Variants in POMZP3 observed in about 807,000 individuals in gnomAD.
POMZP3 encodes POM121 and ZP3 fusion.
Under a neutral mutation model 19.8 loss-of-function variants are expected in POMZP3, and 10 were observed. That is an observed-to-expected ratio of 0.51 (90% CI 0.31 to 0.86). POMZP3 has a LOEUF of 0.86. Ranked by LOEUF, POMZP3 falls within the 40% of genes least tolerant of loss-of-function variation. The probability of loss-of-function intolerance (pLI) is 0.04; values close to 1 mark genes in which losing one functional copy is unlikely to be tolerated. For synonymous variants in POMZP3, 57 were observed against 85.8 expected (o/e 0.66, Z 1.85); for missense variants, 152 against 228.1 (o/e 0.67, Z 2.15).
chr7:76,625,448 T>C, intron 3 of POMZP3, 74 bp downstream of exon 3: 1 of 1,599,886 alleles, frequency 6.3e-7, no homozygotes, highest in Admixed American at 1.7e-5. Context: ...TCTGTATCTT[T>C]ACGGGAATGT....
chr7:76,620,290 T>G (rs1181480827), intron 3 of POMZP3, among the ~76,000 whole-genome samples: 2 of 76,636 alleles, frequency 2.6e-5, no homozygotes, highest in Admixed American at 1.3e-4. Flanking sequence ...ATTGCACCAC[T>G]GCACTCCAGC....
At chr7:76,622,016 C>G (rs1183791462) in intron 3 of POMZP3, among the ~76,000 whole-genome samples, 3 of 139,388 alleles carry the variant, frequency 2.2e-5, no homozygotes, top group Non-Finnish European at 4.7e-5. Context: ...CCACCAAGAC[C>G]AAGATGGCGA....
chr7:76,616,323 G>A (rs796835739), intron 4 of POMZP3, among the ~76,000 whole-genome samples: 2 of 112,374 alleles, frequency 1.8e-5, no homozygotes, highest in African/African-American at 7.2e-5. Context: ...CCTAGATGGT[G>A]TGCACACTGA....
At chr7:76,618,438 A>G (rs747667363) in intron 3 of POMZP3, 138 bp from the exon 4 acceptor site, 13 of 935,206 alleles carry the variant, frequency 1.4e-5, no homozygotes, top group Non-Finnish European at 2.2e-5. Context: ...CCTGGCAAAC[A>G]TGGTGAAACC....
intron 3 of POMZP3, 82 bp downstream of exon 3, chr7:76,625,440 T>C: frequency 1.9e-6 from 3 of 1,597,592 alleles, no homozygotes; most frequent in Admixed American, 1.7e-5. Flanking sequence ...AGGTGGCCTC[T>C]GTATCTTTAC....
chr7:76,610,962 C>T (rs1287086858), intron 6 of POMZP3, among the ~76,000 whole-genome samples: 4 of 142,534 alleles, frequency 2.8e-5, no homozygotes, highest in East Asian at 4.2e-4. Flanking sequence ...GCAACCTCTG[C>T]CTCCCAGATT....
intron 4 of POMZP3, among the ~76,000 whole-genome samples, chr7:76,616,843 G>A (rs1424149001): frequency 3.3e-5 from 3 of 90,262 alleles, no homozygotes; most frequent in Non-Finnish European, 2.4e-5. Flanking sequence ...ACTGCAGAGC[G>A]AGACTCCAAC....
chr7:76,625,476 G>A (rs1563806504), intron 3 of POMZP3, 46 bp downstream of exon 3: 1 of 1,596,156 alleles, frequency 6.3e-7, no homozygotes. Context: ...TCATCCCATA[G>A]GAGTCCAAGC....
intron 3 of POMZP3, among the ~76,000 whole-genome samples, chr7:76,624,787 C>G (rs1446207687): frequency 2.0e-5 from 3 of 151,650 alleles, no homozygotes; most frequent in Non-Finnish European, 2.9e-5. Context: ...AACTACCAAA[C>G]TCTAGTTTTC....
intron 3 of POMZP3, among the ~76,000 whole-genome samples, chr7:76,618,967 T>C (rs2690679): frequency 3.3e-5 from 5 of 152,094 alleles, no homozygotes; most frequent in East Asian, 1.9e-4. Context: ...TTTGTATTTT[T>C]TGTCAAGATA....
In POMZP3 at chr7:76,626,207, C is replaced by T. The variant is rs1815885798; in HGVS notation, c.-143G>A. 27 of 1,556,562 alleles carry T rather than the reference C, an allele frequency of 1.7e-5. No homozygotes were observed. The highest frequency in any genetic ancestry group is 2.4e-5 in the Non-Finnish European group (27 of 1,148,840). On this transcript the variant is annotated 5_prime_UTR_variant, in exon 2 of 7. Coordinates refer to ENST00000310842, the MANE Select transcript of POMZP3 (RefSeq NM_012230.5). ...TATTACAAACCGATCTGGTAAAGTC[C>T]CACGATCCCTGCAGAGAATGCGAGA...
intron 4 of POMZP3, among the ~76,000 whole-genome samples, chr7:76,613,525 T>TTTTTTTTTTTC (rs1212727131): frequency 2.7e-5 from 2 of 73,400 alleles, no homozygotes; most frequent in African/African-American, 1.4e-4. Flanking sequence ...TTTTTTTTTT[T>TTTTTTTTTTTC]CTGAGACGGA....
intron 3 of POMZP3, among the ~76,000 whole-genome samples, chr7:76,622,600 A>G (rs533251035): frequency 6.6e-6 from 1 of 151,650 alleles, no homozygotes; most frequent in African/African-American, 2.4e-5. Context: ...TCCTGACCTC[A>G]TGATCCACCC....
At chr7:76,620,018 CT>C (rs1815465408) in intron 3 of POMZP3, among the ~76,000 whole-genome samples, 1 of 78,400 alleles carries the variant, frequency 1.3e-5, no homozygotes, top group Non-Finnish European at 2.5e-5. Flanking sequence ...TATCTTGTCT[CT>C]TAAAAAAAAA....
intron 3 of POMZP3, among the ~76,000 whole-genome samples, chr7:76,624,266 C>T (rs1799234): frequency 0.54 from 75,636 of 139,056 alleles, 20,774 homozygotes; most frequent in Middle Eastern, 0.71. Flanking sequence ...ATAAGATTTT[C>T]GGCCAGGCGT....
intron 2 of POMZP3, 100 bp downstream of exon 2, chr7:76,625,900 C>T (rs968069493): frequency 6.5e-7 from 1 of 1,543,160 alleles, no homozygotes; most frequent in Non-Finnish European, 8.8e-7. Context: ...GCAGATTCGT[C>T]CTTTCTTTTT....
In POMZP3 at chr7:76,626,870, CG is replaced by C; in HGVS notation, c.-315del. 1.4e-6 allele frequency: 2 copies of C among 1,392,512 alleles called. No individual in the cohort carries two copies. The highest frequency in any genetic ancestry group is 3.2e-5 in the African/African-American group (2 of 61,988). The allele number at this position is 1,392,512 out of a possible 1,614,324, so 86.3% of individuals were successfully genotyped here. The stretch of plus-strand genomic sequence containing the variant: ...AGGTCCTGGCCCTCCGGAGCGGGGG[CG>C]GGCTGCGGCGGCCCGGGCTTGCCCA... On this transcript the variant is annotated 5_prime_UTR_variant, in exon 1 of 7. An upstream open reading frame in the 5' UTR loses its in-frame stop. Transcript: ENST00000310842.
In POMZP3 at chr7:76,625,666, C is replaced by T. The variant is rs1195061750; in HGVS notation, c.83G>A (p.Ser28Asn). 1.2e-6 allele frequency: 2 copies of T among 1,613,868 alleles called. No homozygotes were observed. Among genetic ancestry groups the T allele is most frequent in the African/African-American group, 1.3e-5 (1 of 75,010 alleles). The change falls in exon 3 of 7, where the codon AGC becomes AAC. Residue 28 changes from serine (S) to asparagine (N), a missense_variant. Physicochemically the swap from Ser to Asn is conservative, Grantham distance 46. Coordinates refer to ENST00000310842, the MANE Select transcript of POMZP3 (RefSeq NM_012230.5). ...ACTTGATGGTGAGGACAGTGTTGAG[C>T]TGATTATCTGCTCTGGTCTATAATG... ...SRSAIPEQII[S>N]STLSSPSSNA...
chr7:76,611,689 T>C lies in POMZP3; in HGVS notation c.437+33A>G, dbSNP rs1815115758. The C allele has an allele frequency of 2.7e-6, 4 of 1,498,170 alleles. 1 individual carries two copies. Among genetic ancestry groups the C allele is most frequent in the Non-Finnish European group, 3.7e-6 (4 of 1,090,664 alleles). 92.8% of individuals were successfully genotyped at this position (1,498,170 alleles called of 1,614,324 possible). ...AATAGACAAGGGGTCGCCGATTCAG[T>C]TTCTACTCCAGTCACGGAGCACCTG... On this transcript the variant is annotated intron_variant, in intron 5 of 6. Coordinates refer to ENST00000310842, the MANE Select transcript of POMZP3 (RefSeq NM_012230.5).
Sources: gnomAD v4.1 joint callset for allele counts (sites outside exome capture counted in the v4.1 genomes callset) on GRCh38, gnomAD v4.1.1 for gene constraint, MANE v1.5 for transcripts, NCBI Gene and HGNC (gene_info 2026-07-23, HGNC 2026-07-21) for gene names.